The following PHLPP1 variants were observed in gnomAD, a reference collection of about 807,000 sequenced individuals.
PHLPP1 encodes the protein PH domain and leucine rich repeat protein phosphatase 1.
Under a neutral mutation model 117.2 loss-of-function variants are expected in PHLPP1, and 42 were observed. The observed-to-expected ratio is 0.36, with a 90% CI of 0.28 to 0.46. The LOEUF (loss-of-function observed/expected upper bound fraction) is 0.46. PHLPP1 is among the 20% of genes least tolerant of loss of function. The probability of loss-of-function intolerance (pLI) is 1.00; values close to 1 mark genes in which losing one functional copy is unlikely to be tolerated. For synonymous variants in PHLPP1, 1,042 were observed against 970.7 expected, an observed-to-expected ratio of 1.07 and a Z score of -1.37; for missense variants, 2,084 against 2,241.9, an observed-to-expected ratio of 0.93 and a Z score of 1.42.
At chr18:62,861,367 G>A (rs915614366) in intron 4 of PHLPP1, among the ~76,000 whole-genome samples, 1 of 152,184 alleles carries the variant, frequency 6.6e-6, no homozygotes, top group Non-Finnish European at 1.5e-5. Flanking sequence ...GCCTCCCAAA[G>A]TGCTGTGATT....
At chr18:62,971,300 A>G (rs1911041908) in intron 14 of PHLPP1, among the ~76,000 whole-genome samples, 1 of 150,910 alleles carries the variant, frequency 6.6e-6, no homozygotes, top group African/African-American at 2.4e-5. Flanking sequence ...GAAGACTCCA[A>G]CTCCCTATAG....
intron 1 of PHLPP1, among the ~76,000 whole-genome samples, chr18:62,729,269 T>C (rs187937354): frequency 1.8e-3 from 276 of 152,338 alleles, no homozygotes; most frequent in African/African-American, 6.5e-3. Flanking sequence ...ATTCTGTGTG[T>C]TGGACAACTA....
At chr18:62,764,015 T>C (rs1246442172) in intron 1 of PHLPP1, among the ~76,000 whole-genome samples, 1 of 151,720 alleles carries the variant, frequency 6.6e-6, no homozygotes, top group Non-Finnish European at 1.5e-5. Context: ...ATACAAAAAT[T>C]AGCCGGGCGT....
rs757473861 is a variant in PHLPP1 at position 62,860,425 on chromosome 18, C to T, written c.1900-10C>T. The T allele has an allele frequency of 3.7e-6, 6 of 1,611,698 alleles. No homozygotes were observed. The highest frequency in any genetic ancestry group is 1.7e-5 in the Admixed American group (1 of 59,766). ...GGATGGTATTAAAATTAAGTTTTAT[C>T]CCCCTTTAGGTTGCATCCCAGCGCA... is the stretch of plus-strand genomic sequence containing the variant. On this transcript the variant is annotated splice_polypyrimidine_tract_variant and intron_variant, in intron 3 of 16. Transcript: ENST00000262719.
intron 14 of PHLPP1, 143 bp downstream of exon 14, chr18:62,963,615 C>G: frequency 1.7e-6 from 1 of 606,042 alleles, no homozygotes; most frequent in Non-Finnish European, 2.9e-6. Flanking sequence ...CAGAGTGAGG[C>G]TCCCTCACGA....
At chr18:62,874,973 G>A (rs1244375407) in intron 4 of PHLPP1, among the ~76,000 whole-genome samples, 2 of 152,154 alleles carry the variant, frequency 1.3e-5, no homozygotes, top group African/African-American at 2.4e-5. Context: ...TATTATATTT[G>A]AGACGGAGTC....
intron 1 of PHLPP1, among the ~76,000 whole-genome samples, chr18:62,752,322 A>G (rs904757627): frequency 6.6e-6 from 1 of 152,246 alleles, no homozygotes; most frequent in African/African-American, 2.4e-5. Flanking sequence ...ACAGAGAAGC[A>G]GGGTGTTCAA....
intron 1 of PHLPP1, among the ~76,000 whole-genome samples, chr18:62,802,022 C>G (rs572353726): frequency 6.6e-6 from 1 of 151,902 alleles, no homozygotes; most frequent in South Asian, 2.1e-4. Flanking sequence ...TCCTTGTTGC[C>G]TTTCTTTTCT....
chr18:62,740,907 G>C (rs1390952277), intron 1 of PHLPP1, among the ~76,000 whole-genome samples: 3 of 152,098 alleles, frequency 2.0e-5, no homozygotes, highest in Non-Finnish European at 4.4e-5. Flanking sequence ...CTGGGAGGCG[G>C]AGGTTGCAGT....
intron 4 of PHLPP1, among the ~76,000 whole-genome samples, chr18:62,884,923 T>C (rs1212093679): frequency 4.6e-5 from 7 of 152,228 alleles, no homozygotes; most frequent in African/African-American, 1.7e-4. Flanking sequence ...CCCTAGTTCC[T>C]GGAAGAAAAA....
At chr18:62,925,304 C>A (rs1410144955) in intron 10 of PHLPP1, among the ~76,000 whole-genome samples, 1 of 152,116 alleles carries the variant, frequency 6.6e-6, no homozygotes, top group East Asian at 1.9e-4. Context: ...ATTAACAAAG[C>A]CGAAAATGGA....
intron 14 of PHLPP1, among the ~76,000 whole-genome samples, chr18:62,971,734 CT>C (rs1176395252): frequency 6.6e-6 from 1 of 152,114 alleles, no homozygotes; most frequent in Non-Finnish European, 1.5e-5. Flanking sequence ...TTTTTCCTGC[CT>C]TTTAAAAAGG....
rs1910690810 is a variant in PHLPP1, at chr18:62,715,605, G to GCTT, written c.-79_-78insCTT. On this transcript the variant is annotated 5_prime_UTR_variant, in exon 1 of 17. Coordinates refer to ENST00000262719, the MANE Select transcript of PHLPP1 (RefSeq NM_194449.4). ...TCTCCCTTCTCCGCGCGCCGCCGCC[G>GCTT]TCTCCCACCTCCGCCTCATCGCCTC... 4 of 989,116 alleles carry GCTT rather than the reference G, an allele frequency of 4.0e-6. No individual in the cohort carries two copies. In the East Asian group the frequency reaches 1.3e-4, roughly 32 times the overall value. The allele number at this position is 989,116 out of a possible 1,614,324, so 61.3% of individuals were successfully genotyped here. A position where few individuals can be genotyped will look rare whatever the true frequency, so the allele number is the denominator to read the frequency against.
At chr18:62,940,361 T>C (rs1447871420) in intron 10 of PHLPP1, among the ~76,000 whole-genome samples, 3 of 118,018 alleles carry the variant, frequency 2.5e-5, no homozygotes, top group Admixed American at 8.4e-5. Context: ...TTTCTTTTTT[T>C]TTTTTTTTTT....
intron 1 of PHLPP1, among the ~76,000 whole-genome samples, chr18:62,718,005 T>G (rs2122041616): frequency 6.6e-6 from 1 of 152,348 alleles, no homozygotes; most frequent in Non-Finnish European, 1.5e-5. Context: ...TTTAAGTGGT[T>G]GCTATTTCTT....
intron 12 of PHLPP1, among the ~76,000 whole-genome samples, chr18:62,948,830 T>G (rs1599136965): frequency 6.6e-6 from 1 of 152,304 alleles, no homozygotes; most frequent in Non-Finnish European, 1.5e-5. Context: ...ATTGATATTT[T>G]TGTGTCATAT....
intron 1 of PHLPP1, among the ~76,000 whole-genome samples, chr18:62,752,646 A>G (rs1911894982): frequency 1.3e-5 from 2 of 152,210 alleles, no homozygotes; most frequent in Admixed American, 1.3e-4. Context: ...CTCTTGGTTA[A>G]TAGTAGTTCT....
chr18:62,921,873 T>C (rs1363069896), intron 10 of PHLPP1, among the ~76,000 whole-genome samples: 3 of 152,250 alleles, frequency 2.0e-5, no homozygotes, highest in Admixed American at 6.5e-5. Flanking sequence ...GAACAAGATA[T>C]AGAACATTTC....
chr18:62,863,948 C>T lies in PHLPP1; in HGVS notation c.2066+3347C>T, dbSNP rs140238869. Among the ~76,000 whole-genome samples the T allele has an allele frequency of 2.3e-3, 348 of 152,184 alleles. 1 individual carries two copies. The highest frequency in any genetic ancestry group is 8.1e-3 in the African/African-American group (336 of 41,526). On this transcript the variant is annotated intron_variant, in intron 4 of 16. Coordinates refer to ENST00000262719, the MANE Select transcript of PHLPP1 (RefSeq NM_194449.4). ...TATTCAAGATGGAGTCACTCAGGTT[C>T]GAATGCCTCTGACATATTTCCCCCT...
Sources: allele counts gnomAD v4.1 joint callset (sites outside exome capture counted in the v4.1 genomes callset), GRCh38; gene constraint gnomAD v4.1.1; transcripts MANE v1.5; gene names NCBI Gene and HGNC (gene_info 2026-07-23, HGNC 2026-07-21).